The following BTBD7 variants were observed in gnomAD, a reference collection of about 807,000 sequenced individuals.
BTBD7 encodes BTB domain containing 7.
Under a neutral mutation model 99.9 loss-of-function variants are expected in BTBD7, and 38 were observed. The ratio of observed to expected loss-of-function variants is 0.38; its 90% CI spans 0.29 to 0.50. The LOEUF (loss-of-function observed/expected upper bound fraction) is 0.50. Among genes scored for constraint, BTBD7 ranks in the 20% least tolerant of loss-of-function variants. The pLI is 0.93. For synonymous variants in BTBD7, 520 were observed against 511.4 expected (o/e 1.02, Z -0.23); for missense variants, 1,170 against 1,394.6 (o/e 0.84, Z 2.57).
At chr14:93,250,167 G>A (rs2139683133) in intron 8 of BTBD7, among the ~76,000 whole-genome samples, 1 of 152,324 alleles carries the variant, frequency 6.6e-6, no homozygotes, top group South Asian at 2.1e-4. Context: ...TGAATGTGGT[G>A]TGCAAGGAAG....
At chr14:93,263,460 C>T (rs2052510811) in intron 4 of BTBD7, among the ~76,000 whole-genome samples, 2 of 152,168 alleles carry the variant, frequency 1.3e-5, no homozygotes, top group African/African-American at 4.8e-5. Flanking sequence ...AAGTAAGAAA[C>T]CACTATAGAG....
chr14:93,306,427 C>A (rs2053071075), intron 1 of BTBD7, among the ~76,000 whole-genome samples: 1 of 141,678 alleles, frequency 7.1e-6, no homozygotes, highest in African/African-American at 2.8e-5. Context: ...AACAAAACAA[C>A]CTCATCTCTC....
intron 10 of BTBD7, among the ~76,000 whole-genome samples, chr14:93,244,574 G>T (rs372654684): frequency 6.6e-6 from 1 of 152,132 alleles, no homozygotes; most frequent in Non-Finnish European, 1.5e-5. Context: ...GCTTGAACCC[G>T]GGAGGCGGAG....
rs2052301732 is a variant in BTBD7, at chr14:93,245,992, T to C, written c.2416A>G (p.Thr806Ala). ...GGGGGAGGGCCAGCTTTAGGAGCTGTTCTGGAGTGGAACAGCGAATGATTA... is the reference window on the plus strand; with the variant it reads ...GGGGGAGGGCCAGCTTTAGGAGCTGCTCTGGAGTGGAACAGCGAATGATTA... ...PCNHSLFHSR[T>A]APKAGPPPVY... is the part of the protein sequence containing the mutation. The change falls in exon 10 of 11, where the codon ACA (threonine) becomes GCA (alanine). Residue 806 changes from threonine (T) to alanine (A), a missense_variant. Thr to Ala is a moderately conservative substitution (Grantham distance 58, BLOSUM62 0). Around this residue, in one of 4 missense-constraint regions of BTBD7, gnomAD observed 495 missense variants for 525.9 expected, o/e 0.94. Transcript: ENST00000334746. The C allele has an allele frequency of 6.2e-7, 1 of 1,614,038 alleles. No homozygotes were observed. Among genetic ancestry groups the C allele is most frequent in the Non-Finnish European group, 8.5e-7 (1 of 1,180,018 alleles).
rs555091513 is a variant in BTBD7 at position 93,316,118 on chromosome 14, A to AT, written c.-107+16701dup. ...AGGCATCTGCCACCATGCCCAGCTA[A>AT]TTTTTTTGTATTTTTAGTAGAGATA... On this transcript the variant is annotated intron_variant, in intron 1 of 10. Transcript: ENST00000334746. Among the ~76,000 whole-genome samples the AT allele has an allele frequency of 1.7e-3, 258 of 151,120 alleles. 1 individual carries two copies. Among genetic ancestry groups the AT allele is most frequent in the Non-Finnish European group, 2.7e-3 (184 of 67,728 alleles).
At position 93,240,405 on chromosome 14, in the gene BTBD7, G is replaced by A. The variant is rs2052211151; in HGVS notation, c.*1868C>T. On this transcript the variant is annotated 3_prime_UTR_variant, in exon 11 of 11. Transcript: ENST00000334746. ...GGAAAAGACCGTAAGAGAAACTATA[G>A]TTTTGGGAGAAATCAGCGTTGTTGA... 6.6e-6 allele frequency: 1 copy of A among 152,644 alleles called. No individual in the cohort carries two copies. Among genetic ancestry groups the A allele is most frequent in the East Asian group, 1.9e-4 (1 of 5,204 alleles). 9.5% of individuals were successfully genotyped at this position (152,644 alleles called of 1,614,324 possible).
intron 1 of BTBD7, among the ~76,000 whole-genome samples, chr14:93,329,545 C>T (rs1231487253): frequency 1.3e-5 from 2 of 152,146 alleles, no homozygotes; most frequent in Non-Finnish European, 2.9e-5. Flanking sequence ...GTGGATGCAA[C>T]TTAAGTGCCC....
At chr14:93,311,200 G>A (rs1039055395) in intron 1 of BTBD7, among the ~76,000 whole-genome samples, 3 of 152,152 alleles carry the variant, frequency 2.0e-5, no homozygotes, top group Admixed American at 1.3e-4. Flanking sequence ...TCTTATTGAA[G>A]TTCAAACTGT....
At chr14:93,308,329 T>C (rs1304218983) in intron 1 of BTBD7, among the ~76,000 whole-genome samples, 4 of 149,702 alleles carry the variant, frequency 2.7e-5, no homozygotes, top group East Asian at 1.9e-4. Flanking sequence ...ATTGGATTAG[T>C]ACTTGGAGAC....
At chr14:93,331,592 T>C (rs2053411534) in intron 1 of BTBD7, among the ~76,000 whole-genome samples, 2 of 152,216 alleles carry the variant, frequency 1.3e-5, no homozygotes, top group Admixed American at 6.5e-5. Flanking sequence ...AGATTGTTAG[T>C]TGACCAGACC....
chr14:93,313,679 T>TACACACACACACACACACACACACAC (rs57711099), intron 1 of BTBD7, among the ~76,000 whole-genome samples: 4 of 145,424 alleles, frequency 2.8e-5, no homozygotes, highest in Non-Finnish European at 6.0e-5. Context: ...AAAATGAAAC[T>TACACACACACACACACACACACACAC]ACACACACAC....
intron 9 of BTBD7, among the ~76,000 whole-genome samples, chr14:93,247,955 G>A (rs1020534448): frequency 6.6e-6 from 1 of 152,210 alleles, no homozygotes; most frequent in Admixed American, 6.5e-5. Context: ...AGAAACGAAA[G>A]TGGGCATGTG....
Position 93,294,420 on chromosome 14 carries a change from G to A in BTBD7, c.600C>T (p.His200=). 6 of 1,614,152 alleles carry A rather than the reference G, an allele frequency of 3.7e-6. No homozygotes were observed. The highest frequency in any genetic ancestry group is 5.1e-6 in the Non-Finnish European group (6 of 1,180,036). The change falls in exon 3 of 11, where the codon CAC becomes CAT. Residue 200 remains histidine (H), a synonymous_variant. Coordinates refer to ENST00000334746, the MANE Select transcript of BTBD7 (RefSeq NM_001002860.4). ...IDMPMFSALL[H]YLYTGEFGME... is the part of the protein sequence containing the mutation. The stretch of plus-strand genomic sequence containing the variant: ...TTCCAAACTCTCCTGTATAAAGGTA[G>A]TGTAACAAAGCAGAAAACATGGGCA...
Position 93,242,853 on chromosome 14 carries a change from T to G in BTBD7, c.2819A>C (p.Gln940Pro). ...GAAGTCATAGAAATCCGGATATTCC[T>G]GTGGATTTTCTCTGGTGTCTGTTTT... ...EQKTDTRENP[Q>P]EYPDFYDFSN... is the part of the protein sequence containing the mutation. Residue 940 changes from glutamine to proline, a missense_variant, in exon 11 of 11, where the codon CAG becomes CCG. Physicochemically the swap from Gln to Pro is moderately conservative, Grantham distance 76 (BLOSUM62 -1). Transcript: ENST00000334746. The G allele has an allele frequency of 6.2e-7, 1 of 1,614,172 alleles. No homozygotes were observed. The highest frequency in any genetic ancestry group is 2.2e-5 in the East Asian group (1 of 44,872).
At position 93,248,564 on chromosome 14, in the gene BTBD7, C is replaced by A. The variant is rs1465226894; in HGVS notation, c.2033G>T (p.Cys678Phe). Residue 678 changes from cysteine to phenylalanine, a missense_variant, in exon 9 of 11, where the codon TGC becomes TTC. Cys to Phe is a radical substitution (Grantham distance 205). This residue lies in a region of BTBD7 where 309 missense variants were observed against 342.0 expected (regional missense o/e 0.90). Transcript: ENST00000334746. The stretch of plus-strand genomic sequence containing the variant: ...ATAGCTGACAGTGGCGCCTTCCCCG[C>A]AGTTCAGGGCATAGGCCCTCTGCAC... ...EQVQRAYALN[C>F]GEGATVSYEI... The A allele has an allele frequency of 6.2e-7, 1 of 1,614,146 alleles. No homozygotes were observed. The highest frequency in any genetic ancestry group is 1.7e-5 in the Admixed American group (1 of 60,038).
At position 93,257,298 on chromosome 14, in the gene BTBD7, C is replaced by T. The variant is rs377109750; in HGVS notation, c.1505G>A (p.Arg502Gln). The part of the protein sequence containing the change: ...HSVNKRGVKR[R>Q]DLDMEELREI... ...TCTGAGCTCTTCCATGTCCAGGTCC[C>T]GTCTTTTTACACCTCTTTTGTTCAC... The change falls in exon 6 of 11, where the codon CGG (arginine) becomes CAG (glutamine). Residue 502 changes from arginine (R) to glutamine (Q), a missense_variant. Physicochemically the swap from Arg to Gln is conservative, Grantham distance 43. Transcript: ENST00000334746. 58 of 1,614,008 alleles carry T rather than the reference C, an allele frequency of 3.6e-5. No individual in the cohort carries two copies. Among genetic ancestry groups the T allele is most frequent in the Admixed American group, 5.0e-5 (3 of 60,004 alleles).
At chr14:93,297,383 C>T (rs1038233695) in intron 1 of BTBD7, among the ~76,000 whole-genome samples, 1 of 152,142 alleles carries the variant, frequency 6.6e-6, no homozygotes, top group African/African-American at 2.4e-5. Flanking sequence ...AGTGCAGTGG[C>T]GCAATCTCGG....
At chr14:93,276,404 A>G (rs1277865621) in intron 3 of BTBD7, among the ~76,000 whole-genome samples, 1 of 152,188 alleles carries the variant, frequency 6.6e-6, no homozygotes, top group Non-Finnish European at 1.5e-5. Flanking sequence ...GCCTCTGTCA[A>G]GGGCAACTGA....
At chr14:93,246,513 G>A (rs2052313542) in intron 9 of BTBD7, among the ~76,000 whole-genome samples, 2 of 152,250 alleles carry the variant, frequency 1.3e-5, no homozygotes, top group South Asian at 4.1e-4. Context: ...AAAGCTGCTT[G>A]ATCGAATGCT....
Sources: allele counts gnomAD v4.1 joint callset (sites outside exome capture counted in the v4.1 genomes callset), GRCh38; gene constraint gnomAD v4.1.1; regional missense constraint gnomAD v4.1.1; transcripts MANE v1.5; gene names NCBI Gene and HGNC (gene_info 2026-07-23, HGNC 2026-07-21).